The following NAV2 variants were observed in gnomAD, a reference collection of about 807,000 sequenced individuals.
The protein encoded by NAV2 is helicase, APC down-regulated 1.
Under a neutral mutation model 223.2 loss-of-function variants are expected in NAV2, and 54 were observed. That is an observed-to-expected ratio of 0.24 (90% CI 0.19 to 0.30). NAV2 has a LOEUF of 0.30. Among genes scored for constraint, NAV2 ranks in the 10% least tolerant of loss-of-function variants. The probability of loss-of-function intolerance (pLI) is 1.00; values close to 1 mark genes in which losing one functional copy is unlikely to be tolerated. For missense variants in NAV2, 2,806 were observed against 3,147.5 expected (o/e 0.89, Z 2.60); for synonymous variants, 1,279 against 1,239.3 (o/e 1.03, Z -0.67).
chr11:19,738,611 G>A (rs1170168952), intron 1 of NAV2, among the ~76,000 whole-genome samples: 3 of 152,228 alleles, frequency 2.0e-5, no homozygotes, highest in Non-Finnish European at 4.4e-5. Flanking sequence ...AGTTGGTAGA[G>A]GGGGCTTGTT....
intron 19 of NAV2, among the ~76,000 whole-genome samples, chr11:20,061,438 G>A (rs764886578): frequency 1.1e-4 from 17 of 151,884 alleles, no homozygotes; most frequent in African/African-American, 2.7e-4. Context: ...GCATGGTGGC[G>A]CACGCCTATA....
At chr11:19,475,150 T>C (rs1043111761) in intron 1 of NAV2, among the ~76,000 whole-genome samples, 3 of 152,250 alleles carry the variant, frequency 2.0e-5, no homozygotes, top group African/African-American at 7.2e-5. Context: ...TAAGGACAGA[T>C]GATTCCGGAC....
Position 19,427,317 on chromosome 11 carries a change from C to T in NAV2, c.75+76290C>T, listed in dbSNP as rs116509613. ...GCTCTATGCAGCTCCTGGCGCACAG[C>T]AGGCTTGCAATTGTGCTGGTCCTTC... On this transcript the variant is annotated intron_variant, in intron 1 of 37. Transcript: ENST00000360655. Among the ~76,000 whole-genome samples, 198 of 152,366 alleles carry T rather than the reference C, an allele frequency of 1.3e-3. 1 individual carries two copies. The highest frequency in any genetic ancestry group is 4.4e-3 in the African/African-American group (184 of 41,592).
intron 10 of NAV2, among the ~76,000 whole-genome samples, chr11:19,959,831 G>T (rs117462671): frequency 1.3e-5 from 2 of 152,114 alleles, no homozygotes; most frequent in Non-Finnish European, 2.9e-5. Flanking sequence ...AGAGAAGCCC[G>T]CTGTGACTAA....
At chr11:19,589,203 T>C (rs894611023) in intron 1 of NAV2, among the ~76,000 whole-genome samples, 1 of 152,140 alleles carries the variant, frequency 6.6e-6, no homozygotes, top group Non-Finnish European at 1.5e-5. Context: ...ATCAATTTAA[T>C]GACAGAATTT....
rs115085221 is a variant in NAV2 at position 20,061,677 on chromosome 11, C to A, written c.4832-630C>A. On this transcript the variant is annotated intron_variant, in intron 19 of 37. Transcript: ENST00000349880. The stretch of plus-strand genomic sequence containing the variant: ...TCAGTTTGAAACAGAAAAGAAGACA[C>A]CACTTGCTCATCACTTTGTAGACAT... Among the ~76,000 whole-genome samples the A allele has an allele frequency of 1.7e-3, 259 of 152,006 alleles. 2 individuals are homozygous for A. The highest frequency in any genetic ancestry group is 5.9e-3 in the African/African-American group (244 of 41,466).
intron 1 of NAV2, among the ~76,000 whole-genome samples, chr11:19,716,301 C>T (rs79180478): frequency 0.019 from 2,912 of 152,100 alleles, 89 homozygotes; most frequent in African/African-American, 0.068. Flanking sequence ...TGGTGTCTTG[C>T]GTCTGTCATA....
intron 1 of NAV2, among the ~76,000 whole-genome samples, chr11:19,688,449 T>C (rs529717038): frequency 1.3e-5 from 2 of 152,306 alleles, no homozygotes; most frequent in African/African-American, 2.4e-5. Context: ...ACACAAACCA[T>C]AGGGAAAACC....
At chr11:19,503,864 A>C (rs1162590133) in intron 1 of NAV2, 1 of 152,226 alleles carries the variant, frequency 6.6e-6, no homozygotes, top group African/African-American at 2.4e-5. Flanking sequence ...AGACACTGTC[A>C]AGAGAATGAA....
At chr11:19,393,515 A>G (rs761076878) in intron 1 of NAV2, among the ~76,000 whole-genome samples, 2 of 152,256 alleles carry the variant, frequency 1.3e-5, no homozygotes, top group African/African-American at 2.4e-5. Context: ...AAAGGCTTAT[A>G]AAATATGAGC....
intron 1 of NAV2, chr11:19,504,334 T>C (rs2043054644): frequency 6.6e-6 from 1 of 152,236 alleles, no homozygotes; most frequent in South Asian, 2.1e-4. Context: ...AGGCTCATGA[T>C]GGTGACATTA....
rs1282669810 is a variant in NAV2 at position 19,998,115 on chromosome 11, T to C, written c.2768+13868T>C. Among the ~76,000 whole-genome samples the C allele has an allele frequency of 6.7e-6, 1 of 150,084 alleles. No individual in the cohort carries two copies. Among genetic ancestry groups the C allele is most frequent in the Non-Finnish European group, 1.5e-5 (1 of 66,948 alleles). ...CTGGGCATATACAGTAGGAGACGTT[T>C]GCTATATTTTAGGTAATTAATATTA... On this transcript the variant is annotated intron_variant, in intron 11 of 37. Transcript: ENST00000349880. The surrounding 1 kb of genome is among the most constrained non-coding windows in gnomAD (Gnocchi z 5.0).
intron 6 of NAV2, among the ~76,000 whole-genome samples, chr11:19,919,452 G>A (rs902525178): frequency 2.6e-4 from 40 of 152,286 alleles, no homozygotes; most frequent in Admixed American, 9.2e-4. Context: ...GCTGCTTCCA[G>A]TCAGCCTGGT....
In NAV2 at chr11:20,083,158, G is replaced by A. The variant is rs2060194759; in HGVS notation, c.5477G>A (p.Arg1826Lys). 3.7e-6 allele frequency: 6 copies of A among 1,613,402 alleles called. No homozygotes were observed. The highest frequency in any genetic ancestry group is 2.2e-5 in the East Asian group (1 of 44,860). ...TCCACAGGTTCCACCCCACTGCTGA[G>A]GAATTCTCACTCCAACTCTCTGTAA... Reference protein sequence around the residue: ...NGSTGSTPLLRNSHSNSLISE... With the variant: ...NGSTGSTPLLKNSHSNSLISE... The change falls in exon 26 of 38, where the codon AGG becomes AAG. Residue 1826 changes from arginine (R) to lysine (K), a missense_variant. Around this residue, in one of 4 missense-constraint regions of NAV2, gnomAD observed 824 missense variants for 1,069.4 expected, o/e 0.77. Coordinates refer to ENST00000349880, the MANE Select transcript of NAV2 (RefSeq NM_145117.5).
intron 1 of NAV2, among the ~76,000 whole-genome samples, chr11:19,688,200 A>T (rs2049075955): frequency 1.3e-5 from 2 of 152,256 alleles, no homozygotes; most frequent in Non-Finnish European, 1.5e-5. Context: ...TTGCATGATT[A>T]TGAAGCCCCT....
chr11:19,390,476 T>A (rs1180013680), intron 1 of NAV2, among the ~76,000 whole-genome samples: 1 of 152,184 alleles, frequency 6.6e-6, no homozygotes, highest in East Asian at 1.9e-4. Flanking sequence ...TGCTAGCCCT[T>A]GGGATTCAGG....
At chr11:19,463,677 T>A (rs1852243163) in intron 1 of NAV2, among the ~76,000 whole-genome samples, 1 of 152,008 alleles carries the variant, frequency 6.6e-6, no homozygotes, top group Non-Finnish European at 1.5e-5. Context: ...AAAAGCTGAG[T>A]CTGGAAGGAC....
chr11:20,115,012 A>G (rs1168425828), intron 37 of NAV2, among the ~76,000 whole-genome samples: 1 of 152,120 alleles, frequency 6.6e-6, no homozygotes, highest in Admixed American at 6.5e-5. Context: ...GGTATTAGAT[A>G]ACAGATTAAG....
intron 31 of NAV2, among the ~76,000 whole-genome samples, chr11:20,099,881 T>C (rs1183918966): frequency 1.3e-5 from 2 of 152,162 alleles, no homozygotes; most frequent in Admixed American, 6.5e-5. Context: ...CTCCATACTT[T>C]GCATTGAGGT....
Sources: gnomAD v4.1 joint callset for allele counts (sites outside exome capture counted in the v4.1 genomes callset) on GRCh38, gnomAD v4.1.1 for gene constraint, gnomAD v4.1.1 regional missense constraint, Gnocchi (gnomAD v3.1) non-coding constraint, MANE v1.5 for transcripts, NCBI Gene and HGNC (gene_info 2026-07-23, HGNC 2026-07-21) for gene names.